SCMH1: variants seen among roughly 807,000 people sequenced by gnomAD.
SCMH1 encodes the protein Scm polycomb group protein homolog 1, also known as polycomb protein SCMH1.
Under a neutral mutation model 70.8 loss-of-function variants are expected in SCMH1, and 37 were observed. That is an observed-to-expected ratio of 0.52 (90% CI 0.40 to 0.69). SCMH1 has a LOEUF of 0.69. Among genes scored for constraint, SCMH1 ranks in the 30% least tolerant of loss-of-function variants. The probability of loss-of-function intolerance (pLI) is 0.00; values close to 1 mark genes in which losing one functional copy is unlikely to be tolerated. For synonymous variants in SCMH1, 292 were observed against 307.4 expected (o/e 0.95, Z 0.52); for missense variants, 607 against 827.3 (o/e 0.73, Z 3.27).
At chr1:41,068,984 T>C (rs1183592402) in intron 10 of SCMH1, among the ~76,000 whole-genome samples, 1 of 152,120 alleles carries the variant, frequency 6.6e-6, no homozygotes, top group Non-Finnish European at 1.5e-5. Context: ...GGATAGAATA[T>C]ATAATGTACT....
At chr1:41,213,553 A>G (rs1293200216) in intron 1 of SCMH1, among the ~76,000 whole-genome samples, 1 of 152,142 alleles carries the variant, frequency 6.6e-6, no homozygotes, top group Admixed American at 6.6e-5. Flanking sequence ...AGGTTCCTAG[A>G]GGAAAGGAGC....
chr1:41,040,789 G>A (rs1403001340), intron 12 of SCMH1, among the ~76,000 whole-genome samples: 2 of 152,072 alleles, frequency 1.3e-5, no homozygotes, highest in African/African-American at 2.4e-5. Context: ...GCTTGAACCC[G>A]GGAGGTGGAG....
At chr1:41,032,740 G>A (rs1369248754) in intron 13 of SCMH1, among the ~76,000 whole-genome samples, 1 of 152,180 alleles carries the variant, frequency 6.6e-6, no homozygotes, top group Non-Finnish European at 1.5e-5. Context: ...AGCACTTTGG[G>A]AGGCCGAGGT....
chr1:41,196,165 G>A (rs555378514), intron 1 of SCMH1, among the ~76,000 whole-genome samples: 4 of 151,998 alleles, frequency 2.6e-5, no homozygotes, highest in East Asian at 1.9e-4. Context: ...CAGATTCAAC[G>A]CAATCCCTAT....
At position 41,113,614 on chromosome 1, in the gene SCMH1, G is replaced by C; in HGVS notation, c.502-88C>G. On this transcript the variant is annotated intron_variant, in intron 7 of 14. Coordinates refer to ENST00000337495, the Ensembl canonical transcript of SCMH1. This position sits in a 1 kb window ranked among gnomAD's most constrained non-coding sequence, Gnocchi z 4.3. ...ACTATCTAATTTGGATGATTAAAAA[G>C]TGACTGCTACATGAGACTTATAATG... is the stretch of plus-strand genomic sequence containing the variant. 7.0e-7 allele frequency: 1 copy of C among 1,434,314 alleles called. No homozygotes were observed. 88.8% of individuals were successfully genotyped at this position (1,434,314 alleles called of 1,614,324 possible). A position where few individuals can be genotyped will look rare whatever the true frequency, so the allele number is the denominator to read the frequency against.
intron 1 of SCMH1, among the ~76,000 whole-genome samples, chr1:41,220,007 C>A (rs1025892335): frequency 6.6e-6 from 1 of 152,028 alleles, no homozygotes; most frequent in African/African-American, 2.4e-5. Context: ...TATAACCACT[C>A]TTTCATACAT....
At chr1:41,142,990 C>A in exon 6 of SCMH1, 1 of 1,614,194 alleles carries the variant, frequency 6.2e-7, no homozygotes, top group Non-Finnish European at 8.5e-7. Context: ...CATCAAGGCG[C>A]AGGCGAAGGC....
chr1:41,117,149 AAT>A (rs1670665065), intron 6 of SCMH1, 139 bp from the exon 7 acceptor site: 1 of 463,820 alleles, frequency 2.2e-6, no homozygotes, highest in Non-Finnish European at 3.9e-6. Context: ...ATAAAATAAG[AAT>A]AGTTATACTA....
At chr1:41,227,458 C>T (rs962161733) in intron 1 of SCMH1, among the ~76,000 whole-genome samples, 3 of 152,124 alleles carry the variant, frequency 2.0e-5, no homozygotes, top group Non-Finnish European at 4.4e-5. Context: ...ATAACACAGA[C>T]GAACCTTGAA....
At chr1:41,224,431 T>C (rs562050221) in intron 1 of SCMH1, among the ~76,000 whole-genome samples, 66 of 152,320 alleles carry the variant, frequency 4.3e-4, no homozygotes, top group African/African-American at 1.5e-3. Flanking sequence ...GCAACTAGCA[T>C]AGAGTTAAGC....
chr1:41,177,070 T>C (rs879524076), intron 2 of SCMH1, among the ~76,000 whole-genome samples: 21 of 152,180 alleles, frequency 1.4e-4, no homozygotes, highest in Non-Finnish European at 2.5e-4. Flanking sequence ...GGCAGCAACA[T>C]TTGCTGTTCA....
chr1:41,127,527 T>C (rs1234473693), intron 6 of SCMH1, among the ~76,000 whole-genome samples: 5 of 152,192 alleles, frequency 3.3e-5, no homozygotes, highest in African/African-American at 9.7e-5. Context: ...ATGGATTCAA[T>C]TGTATCTTTT....
At position 41,224,868 on chromosome 1, in the gene SCMH1, GA is replaced by G. The variant is rs566486014; in HGVS notation, c.-118+17190del. ...CAGTTGTTCCTTTATTACAAGTGAA[GA>G]AAAAAAGATTTAGAGACTTTATATG... On this transcript the variant is annotated intron_variant, in intron 1 of 14. Coordinates refer to ENST00000337495, the Ensembl canonical transcript of SCMH1. Among the ~76,000 whole-genome samples the G allele has an allele frequency of 7.2e-5, 11 of 152,082 alleles. No individual in the cohort carries two copies. The South Asian group carries it at 1.2e-3, about 17-fold the overall frequency.
At chr1:41,090,140 C>T (rs1450513335) in intron 8 of SCMH1, among the ~76,000 whole-genome samples, 1 of 151,930 alleles carries the variant, frequency 6.6e-6, no homozygotes, top group Non-Finnish European at 1.5e-5. Context: ...GTGTCAAGAC[C>T]GCTTTACACT....
At chr1:41,148,075 G>T (rs71648534) in intron 5 of SCMH1, among the ~76,000 whole-genome samples, 16,431 of 152,044 alleles carry the variant, frequency 0.11, 1,245 homozygotes, top group East Asian at 0.27. Context: ...TATTCTAGTG[G>T]TTGCATTAGA....
At chr1:41,055,896 G>A (rs1650089727) in intron 10 of SCMH1, among the ~76,000 whole-genome samples, 1 of 152,212 alleles carries the variant, frequency 6.6e-6, no homozygotes. Flanking sequence ...GAGCCTACTG[G>A]TGTAAAAGGA....
chr1:41,195,215 G>A (rs1354211199), intron 1 of SCMH1, among the ~76,000 whole-genome samples: 1 of 141,588 alleles, frequency 7.1e-6, no homozygotes, highest in Non-Finnish European at 1.5e-5. Flanking sequence ...ATTGAAACAT[G>A]AAACTAGCCA....
chr1:41,094,717 C>T (rs1203695212), intron 8 of SCMH1, among the ~76,000 whole-genome samples: 2 of 151,834 alleles, frequency 1.3e-5, no homozygotes, highest in Non-Finnish European at 2.9e-5. Flanking sequence ...GATGAAACCC[C>T]GTCTCTACTA....
intron 8 of SCMH1, among the ~76,000 whole-genome samples, chr1:41,081,157 A>C (rs1177284861): frequency 2.0e-5 from 3 of 151,790 alleles, no homozygotes; most frequent in African/African-American, 7.3e-5. Context: ...AATAACATCA[A>C]GTATTCAGTG....
Sources: allele counts gnomAD v4.1 joint callset (sites outside exome capture counted in the v4.1 genomes callset), GRCh38; gene constraint gnomAD v4.1.1; non-coding constraint Gnocchi (gnomAD v3.1); transcripts MANE v1.5; gene names NCBI Gene and HGNC (gene_info 2026-07-23, HGNC 2026-07-21).